The following TMEM223 variants were observed in gnomAD, a reference collection of about 807,000 sequenced individuals.
TMEM223 encodes transmembrane protein 223.
Under a neutral mutation model 14.1 loss-of-function variants are expected in TMEM223, and 14 were observed. The observed-to-expected ratio is 0.99, with a 90% confidence interval of 0.66 to 1.55. The LOEUF (loss-of-function observed/expected upper bound fraction) is 1.55, where lower values mean the gene tolerates loss of function less well. Ranked by LOEUF, TMEM223 falls within the 40% of genes most tolerant of loss-of-function variation. TMEM223 has a pLI of 0.00. For missense variants in TMEM223, 346 were observed against 269.9 expected, an observed-to-expected ratio of 1.28 and a Z score of -1.97; for synonymous variants, 145 against 120.5, an observed-to-expected ratio of 1.20 and a Z score of -1.33.
chr11:62,774,659 CTA>C lies in TMEM223; in HGVS notation c.319_320del (p.Tyr107Ter), dbSNP rs1369240101. 2.2e-6 allele frequency: 1 copy of C among 455,116 alleles called. No homozygotes were observed. The highest frequency in any genetic ancestry group is 4.4e-6 in the Non-Finnish European group (1 of 226,954). The allele number at this position is 455,116 out of a possible 1,614,324, so 28.2% of individuals were successfully genotyped here. On this transcript the variant is annotated stop_gained and frameshift_variant, in exon 2 of 3. Transcript: ENST00000528367. LOFTEE classifies it high-confidence loss of function. ...CTGTTTTTGTCGGTTTCTTATTGTGCTATACCCTGTGAACAAAACAGGTTCCA... is the reference window on the plus strand; with the variant it reads ...CTGTTTTTGTCGGTTTCTTATTGTGCTACCCTGTGAACAAAACAGGTTCCA...
chr11:62,774,492 C>G, intron 2 of TMEM223: 1 of 438,748 alleles, frequency 2.3e-6, no homozygotes, highest in East Asian at 7.0e-5. Flanking sequence ...CCCATTGATC[C>G]CCTGCCAGAG....
intron 1 of TMEM223, chr11:62,779,019 G>GTT (rs373542247): frequency 0.02 from 17,826 of 910,248 alleles, 3 homozygotes; most frequent in East Asian, 0.025. Context: ...TTCTAGACCT[G>GTT]TTTTTTTTTT....
chr11:62,778,375 T>G, intron 1 of TMEM223: 1 of 1,612,866 alleles, frequency 6.2e-7, no homozygotes, highest in Non-Finnish European at 8.5e-7. Context: ...TGGATGAATT[T>G]TCTCCCTTAG....
At chr11:62,784,306 A>ATT (rs1030701221), downstream of TMEM223, among the ~76,000 whole-genome samples, 4 of 118,770 alleles carry the variant, frequency 3.4e-5, no homozygotes, top group African/African-American at 9.5e-5. Context: ...TATATTCTTA[A>ATT]TTTTTTTTTT....
At chr11:62,777,352 A>G (rs926686046) in intron 1 of TMEM223, among the ~76,000 whole-genome samples, 1 of 152,084 alleles carries the variant, frequency 6.6e-6, no homozygotes, top group South Asian at 2.1e-4. Flanking sequence ...AAAAAAGACT[A>G]AACGCACACA....
chr11:62,786,842 A>G, downstream of TMEM223: 2 of 1,599,898 alleles, frequency 1.3e-6, no homozygotes, highest in South Asian at 1.1e-5. Context: ...CCCGGGGACA[A>G]GAAGGAGCCG....
downstream of TMEM223, chr11:62,782,938 T>C: frequency 6.8e-7 from 1 of 1,476,574 alleles, no homozygotes; most frequent in Non-Finnish European, 9.2e-7. Flanking sequence ...TGCCATGTAT[T>C]GAGTTCTGGC....
chr11:62,786,687 G>C, downstream of TMEM223: 1 of 1,612,054 alleles, frequency 6.2e-7, no homozygotes, highest in Non-Finnish European at 8.5e-7. Context: ...CCGGCCTCCC[G>C]CTGCCGCCAG....
chr11:62,787,304 G>T (rs1197102359), downstream of TMEM223: 18 of 1,533,668 alleles, frequency 1.2e-5, no homozygotes, highest in Non-Finnish European at 1.4e-5. Context: ...TGAGTCAGTG[G>T]CCCCTTCGTT....
rs367890257 is a variant in TMEM223, at chr11:62,777,888, C to G, written c.315-3223G>C. 6.3e-5 allele frequency: 93 copies of G among 1,477,698 alleles called. 1 individual carries two copies. Among genetic ancestry groups the G allele is most frequent in the East Asian group, 4.3e-4 (19 of 43,812 alleles). 91.5% of individuals were successfully genotyped at this position (1,477,698 alleles called of 1,614,324 possible). A position where few individuals can be genotyped will look rare whatever the true frequency, so the allele number is the denominator to read the frequency against. ...TCTGGACTTCCTTCAAACGTGGGCT[C>G]TCTGCTCTGGTCAGTGGAGCCTCAT... On this transcript the variant is annotated intron_variant, in intron 1 of 2. Transcript: ENST00000528367.
chr11:62,779,880 G>A (rs1261448023), intron 1 of TMEM223, among the ~76,000 whole-genome samples: 3 of 143,174 alleles, frequency 2.1e-5, no homozygotes, highest in South Asian at 4.4e-4. Context: ...TGGCCAGGCT[G>A]GTCTCAAACT....
At chr11:62,780,831 C>T (rs951781624) in intron 1 of TMEM223, among the ~76,000 whole-genome samples, 1 of 147,076 alleles carries the variant, frequency 6.8e-6, no homozygotes, top group Non-Finnish European at 1.5e-5. Context: ...TAGCTACTTG[C>T]GAGGCTGATG....
chr11:62,777,013 G>A (rs893171647), intron 1 of TMEM223, among the ~76,000 whole-genome samples: 13 of 152,002 alleles, frequency 8.6e-5, no homozygotes, highest in Non-Finnish European at 1.3e-4. Context: ...TGGCCGTGGC[G>A]GTGGGCGCCT....
chr11:62,786,393 G>C, downstream of TMEM223: 1 of 1,611,502 alleles, frequency 6.2e-7, no homozygotes, highest in South Asian at 1.1e-5. Context: ...ATTCTGGTGA[G>C]TACCGTCCCC....
chr11:62,789,613 C>A, downstream of TMEM223: 2 of 1,546,220 alleles, frequency 1.3e-6, no homozygotes, highest in South Asian at 1.3e-5. Context: ...GTTCTGAAGC[C>A]CAGAAAATTC....
At chr11:62,791,050 T>A (rs1422002252) in intron 1 of TMEM223, 135 bp from the exon 2 acceptor site, 133 of 832,458 alleles carry the variant, frequency 1.6e-4, no homozygotes, top group Non-Finnish European at 2.2e-4. Context: ...TGAGACTGAG[T>A]CTCACTCTGC....
chr11:62,782,102 T>C, intron 1 of TMEM223: 2 of 1,598,128 alleles, frequency 1.3e-6, no homozygotes, highest in African/African-American at 1.3e-5. Context: ...GCTACCCTCT[T>C]CTCCCAACAG....
At chr11:62,772,395 T>G (rs973951404) in intron 2 of TMEM223, among the ~76,000 whole-genome samples, 3 of 151,854 alleles carry the variant, frequency 2.0e-5, no homozygotes, top group Non-Finnish European at 4.4e-5. Flanking sequence ...TGGCGGCGTA[T>G]GCCTGTAGTC....
At chr11:62,789,645 C>G (rs2084334934), downstream of TMEM223, 1 of 1,549,936 alleles carries the variant, frequency 6.5e-7, no homozygotes, top group Admixed American at 2.1e-5. Context: ...CCTGGAACTG[C>G]TCTGCAGTTT....
Sources: gnomAD v4.1 joint callset for allele counts (sites outside exome capture counted in the v4.1 genomes callset) on GRCh38, gnomAD v4.1.1 for gene constraint, MANE v1.5 for transcripts, NCBI Gene and HGNC (gene_info 2026-07-23, HGNC 2026-07-21) for gene names.